Variants in ZNF782 observed in about 807,000 individuals in gnomAD.
ZNF782 encodes the protein zinc finger protein 782.
Under a neutral mutation model 13.0 loss-of-function variants are expected in ZNF782, and 12 were observed. That is an observed-to-expected ratio of 0.92 (90% CI 0.59 to 1.50). The LOEUF (loss-of-function observed/expected upper bound fraction) is 1.50, where lower values mean the gene tolerates loss of function less well. ZNF782 is among the 40% of genes most tolerant of loss of function. ZNF782 has a pLI of 0.00. For synonymous variants in ZNF782, 284 were observed against 283.0 expected, an observed-to-expected ratio of 1.00 and a Z score of -0.04; for missense variants, 770 against 822.9, an observed-to-expected ratio of 0.94 and a Z score of 0.79.
chr9:96,928,672 CTG>C, the ZNF782 span: 47 of 363,808 alleles, frequency 1.3e-4, no homozygotes, highest in Non-Finnish European at 1.8e-4. Flanking sequence ...GAAGCTTTTG[CTG>C]TGAGTCAGAA....
At chr9:96,930,872 G>GTTTTTTT in the ZNF782 span, among the ~76,000 whole-genome samples, 50 of 72,726 alleles carry the variant, frequency 6.9e-4, 9 homozygotes, top group South Asian at 1.7e-3. Context: ...CCATCCAGTG[G>GTTTTTTT]TTTTTTTTTT....
At chr9:96,907,358 C>T in the ZNF782 span, among the ~76,000 whole-genome samples, 7 of 151,974 alleles carry the variant, frequency 4.6e-5, no homozygotes, top group Non-Finnish European at 2.9e-5. Flanking sequence ...GAGAAAGGGG[C>T]AGTTGTTGTT....
In ZNF782 at chr9:96,818,982, GA is replaced by G. The variant is rs1278499008; in HGVS notation, c.1040del (p.Phe347SerfsTer15). 2 of 1,614,010 alleles carry G rather than the reference GA, an allele frequency of 1.2e-6. No individual in the cohort carries two copies. The highest frequency in any genetic ancestry group is 1.7e-6 in the Non-Finnish European group (2 of 1,180,000). ...GTACACTGAAAGTTGACTGGTAGCT[GA>G]ATGTCTCTGTACATGGGTGATAATC... ...YSDYHPCTET[F>X]SYQSTFSVHQ... On this transcript the variant is annotated frameshift_variant, in exon 6 of 6. Coordinates refer to ENST00000481138, the MANE Select transcript of ZNF782 (RefSeq NM_001001662.3). LOFTEE classifies it low-confidence loss of function (END_TRUNC).
At chr9:96,873,460 G>C (rs1851852740) in intron 1 of ZNF782, among the ~76,000 whole-genome samples, 1 of 152,224 alleles carries the variant, frequency 6.6e-6, no homozygotes, top group Admixed American at 6.5e-5. Context: ...AGCACTTTGG[G>C]AGGGTGAGGT....
chr9:96,881,428 C>T, the ZNF782 span, among the ~76,000 whole-genome samples: 1 of 152,032 alleles, frequency 6.6e-6, no homozygotes, highest in East Asian at 1.9e-4. Flanking sequence ...GCTTTAGGTG[C>T]ATCCAATAGA....
At chr9:96,830,173 C>T (rs754250353) in intron 4 of ZNF782, among the ~76,000 whole-genome samples, 1 of 152,270 alleles carries the variant, frequency 6.6e-6, no homozygotes, top group Middle Eastern at 3.4e-3. Flanking sequence ...TTTTAGACAA[C>T]GACTGTTCTT....
intron 2 of ZNF782, among the ~76,000 whole-genome samples, chr9:96,852,553 A>C (rs890954688): frequency 6.6e-6 from 1 of 152,204 alleles, no homozygotes; most frequent in South Asian, 2.1e-4. Flanking sequence ...AGGCTGAGGC[A>C]GGAGGATCAC....
intron 1 of ZNF782, among the ~76,000 whole-genome samples, chr9:96,869,664 TACTC>T (rs959537913): frequency 1.3e-5 from 2 of 152,228 alleles, no homozygotes; most frequent in African/African-American, 2.4e-5. Context: ...ACAGCAAAAT[TACTC>T]ACAACTGACA....
chr9:96,865,403 C>T (rs532106816), intron 1 of ZNF782, among the ~76,000 whole-genome samples: 3 of 152,310 alleles, frequency 2.0e-5, no homozygotes, highest in African/African-American at 7.2e-5. Context: ...AGTTTCCCTA[C>T]ACAAGCTCGT....
At chr9:96,894,978 C>G in the ZNF782 span, 12 of 152,194 alleles carry the variant, frequency 7.9e-5, no homozygotes, top group Non-Finnish European at 1.5e-4. Flanking sequence ...CCTACCTTGG[C>G]CACCCAAGGT....
chr9:96,850,699 G>T lies in ZNF782; in HGVS notation c.15+1248C>A, dbSNP rs578055652. Among the ~76,000 whole-genome samples, 1 of 152,204 alleles carries T rather than the reference G, an allele frequency of 6.6e-6. No homozygotes were observed. The highest frequency in any genetic ancestry group is 2.4e-5 in the African/African-American group (1 of 41,530). ...GAAATGTTTTAAAGTATAAAGAAAA[G>T]ACAGCATTTATTATGATTATTTTAG... On this transcript the variant is annotated intron_variant, in intron 3 of 5. Transcript: ENST00000481138. This position sits in a 1 kb window ranked among gnomAD's most constrained non-coding sequence, Gnocchi z 4.3.
chr9:96,873,272 T>C (rs1275346976), intron 1 of ZNF782, among the ~76,000 whole-genome samples: 1 of 152,230 alleles, frequency 6.6e-6, no homozygotes, highest in Non-Finnish European at 1.5e-5. Context: ...AAGTCTATCA[T>C]GAATCCCTGT....
rs1850202256 is a variant in ZNF782, at chr9:96,817,282, T to C, written c.*641A>G. 2 of 152,310 alleles carry C rather than the reference T, an allele frequency of 1.3e-5. No homozygotes were observed. Among genetic ancestry groups the C allele is most frequent in the Non-Finnish European group, 2.9e-5 (2 of 68,120 alleles). The allele number at this position is 152,310 out of a possible 1,614,324, so 9.4% of individuals were successfully genotyped here. ...TAGATGAGAGAGTGGTTGAGAAATTTAGGCCAGGTGTGGCATGAGGGAGAA... is the reference window on the plus strand; with the variant it reads ...TAGATGAGAGAGTGGTTGAGAAATTCAGGCCAGGTGTGGCATGAGGGAGAA... On this transcript the variant is annotated 3_prime_UTR_variant, in exon 6 of 6. Transcript: ENST00000481138.
At chr9:96,853,131 G>A (rs1002885267) in intron 1 of ZNF782, 62 bp from the exon 2 acceptor site, 5 of 152,366 alleles carry the variant, frequency 3.3e-5, no homozygotes, top group African/African-American at 1.2e-4. Flanking sequence ...CAGAATCTCC[G>A]GTTACCCCTA....
intron 4 of ZNF782, among the ~76,000 whole-genome samples, chr9:96,832,227 C>T (rs1850827922): frequency 6.6e-6 from 1 of 152,100 alleles, no homozygotes; most frequent in Non-Finnish European, 1.5e-5. Context: ...CAATATTTTG[C>T]TGGTTGAGGT....
chr9:96,905,963 G>T, the ZNF782 span, among the ~76,000 whole-genome samples: 10,089 of 151,456 alleles, frequency 0.067, 603 homozygotes, highest in African/African-American at 0.22. Context: ...AGAGGTCCAA[G>T]AACCCTCTCT....
At chr9:96,866,571 C>T (rs1171620013) in intron 1 of ZNF782, among the ~76,000 whole-genome samples, 2 of 152,150 alleles carry the variant, frequency 1.3e-5, no homozygotes, top group African/African-American at 4.8e-5. Context: ...GGGTCGGAGC[C>T]CCCATACAGA....
the ZNF782 span, among the ~76,000 whole-genome samples, chr9:96,905,659 C>G: frequency 1.3e-5 from 2 of 151,956 alleles, no homozygotes; most frequent in Non-Finnish European, 2.9e-5. Context: ...GATCTTGGCT[C>G]ACTGCAACCT....
At chr9:96,857,653 G>A (rs1851660481), upstream of ZNF782, among the ~76,000 whole-genome samples, 1 of 152,218 alleles carries the variant, frequency 6.6e-6, no homozygotes, top group Non-Finnish European at 1.5e-5. Flanking sequence ...TGCAGGGAGT[G>A]TGAAAAACTG....
Sources: allele counts gnomAD v4.1 joint callset (sites outside exome capture counted in the v4.1 genomes callset), GRCh38; gene constraint gnomAD v4.1.1; non-coding constraint Gnocchi (gnomAD v3.1); transcripts MANE v1.5; gene names NCBI Gene and HGNC (gene_info 2026-07-23, HGNC 2026-07-21).